H2AZ2: variants seen among roughly 807,000 people sequenced by gnomAD.
H2AZ2 encodes the protein H2A.Z variant histone 2, also known as histone H2A.V.
H2AZ2 carries 5 observed loss-of-function variants against 15.5 expected under a neutral mutation model. That is an observed-to-expected ratio of 0.32 (90% CI 0.17 to 0.68). The LOEUF (loss-of-function observed/expected upper bound fraction) is 0.68. H2AZ2 is among the 30% of genes least tolerant of loss of function. The probability of loss-of-function intolerance (pLI) is 0.72; values close to 1 mark genes in which losing one functional copy is unlikely to be tolerated. For synonymous variants in H2AZ2, 44 were observed against 57.4 expected (o/e 0.77, Z 1.05); for missense variants, 42 against 162.5 (o/e 0.26, Z 4.03).
intron 1 of H2AZ2, among the ~76,000 whole-genome samples, chr7:44,846,244 G>A (rs1479274996): frequency 6.6e-6 from 1 of 152,132 alleles, no homozygotes; most frequent in Admixed American, 6.5e-5. Flanking sequence ...TTTAGCTTAT[G>A]TTAATACTTA....
chr7:44,845,109 T>C (rs1297433835), intron 1 of H2AZ2, among the ~76,000 whole-genome samples: 3 of 152,152 alleles, frequency 2.0e-5, no homozygotes, highest in Admixed American at 1.3e-4. Context: ...AACCCTTTCC[T>C]TAAAAATTTT....
chr7:44,829,161 T>C (rs541660199), downstream of H2AZ2: 1 of 152,372 alleles, frequency 6.6e-6, no homozygotes, highest in South Asian at 2.1e-4. Flanking sequence ...GAACCTCTCT[T>C]GTACATCTAC....
chr7:44,837,050 AG>A (rs1476474886), intron 3 of H2AZ2, among the ~76,000 whole-genome samples: 1 of 151,728 alleles, frequency 6.6e-6, no homozygotes, highest in Non-Finnish European at 1.5e-5. Context: ...AAACAGACAC[AG>A]GGTTTCACCA....
intron 2 of H2AZ2, among the ~76,000 whole-genome samples, chr7:44,842,895 C>T (rs1381562239): frequency 6.6e-6 from 1 of 151,974 alleles, no homozygotes; most frequent in East Asian, 1.9e-4. Context: ...AATTCCAGCC[C>T]TCTGGGAGGC....
At chr7:44,831,661 G>A (rs1332138837), downstream of H2AZ2, among the ~76,000 whole-genome samples, 1 of 151,512 alleles carries the variant, frequency 6.6e-6, no homozygotes, top group African/African-American at 2.4e-5. Context: ...ATTTTATCCT[G>A]CCTCGTGAAT....
chr7:44,829,405 A>G (rs1487395222), downstream of H2AZ2: 2 of 152,270 alleles, frequency 1.3e-5, no homozygotes, highest in African/African-American at 4.8e-5. Context: ...GTTTGAGACC[A>G]GTCTGGCCAA....
intron 4 of H2AZ2, 76 bp from the exon 5 acceptor site, chr7:44,834,638 A>G: frequency 7.4e-7 from 1 of 1,344,042 alleles, no homozygotes; most frequent in Non-Finnish European, 1.0e-6. Flanking sequence ...TATAGAAAAA[A>G]TGAAATTTAC....
At chr7:44,847,530 CA>C (rs1793441403) in intron 1 of H2AZ2, among the ~76,000 whole-genome samples, 1 of 152,212 alleles carries the variant, frequency 6.6e-6, no homozygotes, top group African/African-American at 2.4e-5. Flanking sequence ...CAGAAACCCT[CA>C]AACTGACTGC....
At chr7:44,831,414 GTAAC>G (rs1278797818), downstream of H2AZ2, among the ~76,000 whole-genome samples, 1 of 151,994 alleles carries the variant, frequency 6.6e-6, no homozygotes, top group Non-Finnish European at 1.5e-5. Context: ...ATGTAGTCAA[GTAAC>G]TATACTATCA....
intron 3 of H2AZ2, among the ~76,000 whole-genome samples, chr7:44,840,533 G>A (rs1793249696): frequency 6.6e-6 from 1 of 152,208 alleles, no homozygotes; most frequent in Admixed American, 6.5e-5. Context: ...CACTTTGGGA[G>A]GCTGAGGCAG....
intron 3 of H2AZ2, among the ~76,000 whole-genome samples, chr7:44,838,044 C>T (rs1793173364): frequency 6.6e-6 from 1 of 151,886 alleles, no homozygotes; most frequent in African/African-American, 2.4e-5. Flanking sequence ...GATCTCGGCT[C>T]GCTGCAACCT....
chr7:44,838,547 G>A (rs541909610), intron 3 of H2AZ2, among the ~76,000 whole-genome samples: 6 of 152,138 alleles, frequency 3.9e-5, no homozygotes, highest in African/African-American at 7.2e-5. Flanking sequence ...CAGCTACTCC[G>A]GAGGCTGAGG....
rs1793018331 is a variant in H2AZ2 at position 44,832,604 on chromosome 7, A to G, written c.*1897T>C. 6.6e-6 allele frequency among the ~76,000 whole-genome samples: 1 copy of G among 152,226 alleles called. No homozygotes were observed. Among genetic ancestry groups the G allele is most frequent in the Non-Finnish European group, 1.5e-5 (1 of 68,044 alleles). ...CCTTCTTTAATGAAGACTTGCAAGC[A>G]GAAAAATATAATTTTCTAAGGGTCA... On this transcript the variant is annotated 3_prime_UTR_variant, in exon 5 of 5. Transcript: ENST00000308153.
intron 1 of H2AZ2, among the ~76,000 whole-genome samples, chr7:44,845,267 A>G (rs929397068): frequency 1.3e-5 from 2 of 152,326 alleles, no homozygotes; most frequent in East Asian, 3.9e-4. Flanking sequence ...GAACTAATTC[A>G]TATTCACTCT....
rs1038349207 is a variant in H2AZ2, at chr7:44,842,431, C to G, written c.81+846G>C. Among the ~76,000 whole-genome samples, 6 of 152,194 alleles carry G rather than the reference C, an allele frequency of 3.9e-5. No homozygotes were observed. The South Asian group carries it at 1.0e-3, about 26-fold the overall frequency. ...ATTTTCACATGGATGTTTTAGTGAA[C>G]TTCAAAATGATTCCATTTAAATTTA... is the stretch of plus-strand genomic sequence containing the variant. On this transcript the variant is annotated intron_variant, in intron 2 of 4. Coordinates refer to ENST00000308153, the MANE Select transcript of H2AZ2 (RefSeq NM_012412.5).
chr7:44,834,784 CTTTTTTT>C (rs35455193), intron 4 of H2AZ2: 455 of 159,622 alleles, frequency 2.9e-3, no homozygotes, highest in Non-Finnish European at 4.5e-3. Flanking sequence ...GTAACCATAG[CTTTTTTT>C]TTTTTTTTTT....
In H2AZ2 at chr7:44,834,246, G is replaced by T; in HGVS notation, c.*255C>A. 8.1e-7 allele frequency: 1 copy of T among 1,228,914 alleles called. No homozygotes were observed. Among genetic ancestry groups the T allele is most frequent in the Non-Finnish European group, 1.0e-6 (1 of 982,172 alleles). The allele number at this position is 1,228,914 out of a possible 1,614,324, so 76.1% of individuals were successfully genotyped here. On this transcript the variant is annotated 3_prime_UTR_variant, in exon 5 of 5. Transcript: ENST00000308153. Reference sequence around the variant, plus strand: ...AGACAAATTAATTTTGTAAAAAATGGTTTATCAATTCCATTTTTGTATAAA... The same window carrying T: ...AGACAAATTAATTTTGTAAAAAATGTTTTATCAATTCCATTTTTGTATAAA...
At chr7:44,846,138 T>C (rs975303883) in intron 1 of H2AZ2, among the ~76,000 whole-genome samples, 4 of 151,834 alleles carry the variant, frequency 2.6e-5, no homozygotes, top group Admixed American at 1.3e-4. Context: ...GCAAACTGGA[T>C]ACTAAGACAC....
chr7:44,842,866 C>T (rs750736632), intron 2 of H2AZ2, among the ~76,000 whole-genome samples: 5 of 152,052 alleles, frequency 3.3e-5, no homozygotes, highest in Non-Finnish European at 5.9e-5. Flanking sequence ...CTCAGCCAGG[C>T]GCGGTGGCTC....
Sources: gnomAD v4.1 joint callset for allele counts (sites outside exome capture counted in the v4.1 genomes callset) on GRCh38, gnomAD v4.1.1 for gene constraint, MANE v1.5 for transcripts, NCBI Gene and HGNC (gene_info 2026-07-23, HGNC 2026-07-21) for gene names.